Variants in EIF1AY observed in about 807,000 individuals in gnomAD.
The protein encoded by EIF1AY is eukaryotic translation initiation factor 1A Y-linked, also known as eukaryotic translation initiation factor 1A, Y-chromosomal.
For synonymous variants in EIF1AY, 16 were observed against 9.9 expected (o/e 1.62, Z -1.16); for missense variants, 19 against 30.6 (o/e 0.62, Z 0.89).
intron 2 of EIF1AY, among the ~76,000 whole-genome samples, chrY:20,581,688 C>G (rs894906842): frequency 6.1e-5 from 2 of 32,578 alleles, no homozygotes; most frequent in Non-Finnish European, 1.5e-4. Flanking sequence ...CTAAAGTAAA[C>G]AGGAATTTTT....
intron 2 of EIF1AY, among the ~76,000 whole-genome samples, chrY:20,581,538 G>T: frequency 1.5e-4 from 5 of 32,299 alleles, no homozygotes. Context: ...CACCATGTTG[G>T]CCAGGCTGGT....
chrY:20,587,536 C>A, intron 4 of EIF1AY: 1 of 34,082 alleles, frequency 2.9e-5, no homozygotes, highest in African/African-American at 1.2e-4. Context: ...GATCCGCCCG[C>A]CTTGGCCTCC....
intron 2 of EIF1AY, among the ~76,000 whole-genome samples, chrY:20,582,359 G>A: frequency 3.1e-5 from 1 of 31,929 alleles, no homozygotes; most frequent in Non-Finnish European, 7.6e-5. Flanking sequence ...TACAGGCATC[G>A]GGCACCACAC....
At chrY:20,590,501 G>A in intron 6 of EIF1AY, among the ~76,000 whole-genome samples, 1 of 31,350 alleles carries the variant, frequency 3.2e-5, no homozygotes, top group South Asian at 7.5e-4. Context: ...AGGCATGGTA[G>A]TGCACACCTG....
chrY:20,585,100 G>A, intron 4 of EIF1AY, among the ~76,000 whole-genome samples: 4 of 33,125 alleles, frequency 1.2e-4, no homozygotes, highest in Admixed American at 1.1e-3. Context: ...GTTCTAATTT[G>A]GCAAAGCAAA....
At chrY:20,581,562 C>T in intron 2 of EIF1AY, among the ~76,000 whole-genome samples, 1 of 32,742 alleles carries the variant, frequency 3.1e-5, no homozygotes, top group African/African-American at 1.2e-4. Context: ...GAACTCCTGA[C>T]CTCAGGTAAT....
At chrY:20,591,248 C>G in intron 6 of EIF1AY, among the ~76,000 whole-genome samples, 1 of 32,923 alleles carries the variant, frequency 3.0e-5, no homozygotes, top group African/African-American at 1.2e-4. Context: ...GCACCCATGA[C>G]ACAGCCTCGG....
chrY:20,581,764 CT>C (rs2089350929), intron 2 of EIF1AY, among the ~76,000 whole-genome samples: 2 of 32,644 alleles, frequency 6.1e-5, no homozygotes, highest in South Asian at 1.4e-3. Flanking sequence ...AGAGTTAGGC[CT>C]CATGTGTGAG....
intron 6 of EIF1AY, among the ~76,000 whole-genome samples, chrY:20,591,227 A>G: frequency 3.0e-5 from 1 of 32,938 alleles, no homozygotes; most frequent in Admixed American, 2.8e-4. Flanking sequence ...GATTTTGCCA[A>G]AGTTGAGGAC....
At chrY:20,576,067 T>A (rs2089346743) in intron 1 of EIF1AY, among the ~76,000 whole-genome samples, 180 bp downstream of exon 1, 1 of 32,923 alleles carries the variant, frequency 3.0e-5, no homozygotes, top group African/African-American at 1.2e-4. Context: ...AGACGCCATT[T>A]TTGTGGGGCC....
intron 2 of EIF1AY, among the ~76,000 whole-genome samples, chrY:20,580,478 A>G (rs2089349773): frequency 3.0e-5 from 1 of 33,252 alleles, no homozygotes; most frequent in Non-Finnish European, 7.4e-5. Flanking sequence ...ACATACAAAA[A>G]AAAAATAAAG....
intron 6 of EIF1AY, 86 bp from the exon 7 acceptor site, chrY:20,592,255 A>G: frequency 2.1e-5 from 4 of 190,106 alleles, no homozygotes; most frequent in Non-Finnish European, 3.4e-5. Flanking sequence ...TTTACTTCAC[A>G]GTTTACCACT....
intron 1 of EIF1AY, among the ~76,000 whole-genome samples, chrY:20,577,403 T>C (rs2089347427): frequency 3.0e-5 from 1 of 33,589 alleles, no homozygotes. Context: ...CCTAGCCTCA[T>C]TCCTCTAAAA....
At chrY:20,578,899 T>C in intron 1 of EIF1AY, among the ~76,000 whole-genome samples, 1 of 33,581 alleles carries the variant, frequency 3.0e-5, no homozygotes, top group Non-Finnish European at 7.4e-5. Flanking sequence ...ATACTCTGGA[T>C]GTGTTTAGTA....
intron 2 of EIF1AY, 105 bp downstream of exon 2, chrY:20,579,796 C>A: frequency 7.6e-6 from 1 of 131,764 alleles, no homozygotes; most frequent in Non-Finnish European, 1.4e-5. Context: ...TATCCTGAGC[C>A]GTTGTCCCTG....
chrY:20,586,813 AC>A (rs764268273), intron 4 of EIF1AY: 14 of 33,954 alleles, frequency 4.1e-4, no homozygotes, highest in African/African-American at 1.6e-3. Flanking sequence ...TTACACATTG[AC>A]TTTGTTTCTT....
intron 4 of EIF1AY, chrY:20,587,791 A>G (rs1603578977): frequency 7.4e-5 from 5 of 67,742 alleles, no homozygotes; most frequent in East Asian, 2.9e-4. Context: ...AATCTCTACA[A>G]TCTTTCCTAA....
chrY:20,591,282 A>G, intron 6 of EIF1AY, among the ~76,000 whole-genome samples: 1 of 32,832 alleles, frequency 3.0e-5, no homozygotes, highest in Non-Finnish European at 7.4e-5. Context: ...CATGTACCCA[A>G]GGTGTTTGGG....
intron 1 of EIF1AY, among the ~76,000 whole-genome samples, chrY:20,578,606 A>G (rs917859947): frequency 1.2e-4 from 4 of 34,005 alleles, no homozygotes; most frequent in Non-Finnish European, 2.2e-4. Flanking sequence ...ATTGTCTTCT[A>G]TAGTGGCACA....
Sources: gnomAD v4.1 joint callset for allele counts (sites outside exome capture counted in the v4.1 genomes callset) on GRCh38, gnomAD v4.1.1 for gene constraint, MANE v1.5 for transcripts, NCBI Gene and HGNC (gene_info 2026-07-23, HGNC 2026-07-21) for gene names.